The following DMD variants were observed in gnomAD, a reference collection of about 807,000 sequenced individuals.
DMD encodes mutant dystrophin.
DMD carries 63 observed loss-of-function variants against 330.1 expected under a neutral mutation model. The ratio of observed to expected loss-of-function variants is 0.19; its 90% CI spans 0.16 to 0.24. The LOEUF (loss-of-function observed/expected upper bound fraction) is 0.24, where lower values mean the gene tolerates loss of function less well. Among genes scored for constraint, DMD ranks in the 10% least tolerant of loss-of-function variants. DMD has a pLI of 1.00. For synonymous variants in DMD, 1,223 were observed against 959.8 expected (o/e 1.27, Z -5.07); for missense variants, 3,344 against 2,684.1 (o/e 1.25, Z -5.43).
intron 15 of DMD, 135 bp from the exon 16 acceptor site, chrX:32,566,016 A>T (rs766759714): frequency 1.8e-6 from 1 of 553,480 alleles, no homozygotes; most frequent in Non-Finnish European, 2.9e-6. Context: ...AAAGGATCAA[A>T]AGTTCAGAAA....
intron 60 of DMD, among the ~76,000 whole-genome samples, chrX:31,408,357 C>T (rs1334797487): frequency 3.6e-5 from 4 of 111,779 alleles, no homozygotes; most frequent in Admixed American, 9.5e-5. Flanking sequence ...CTTTCTCCTG[C>T]GAAACATATC....
intron 51 of DMD, among the ~76,000 whole-genome samples, chrX:31,766,418 C>T (rs5927847): frequency 0.13 from 14,706 of 110,632 alleles, 862 homozygotes; most frequent in East Asian, 0.25. Context: ...GCCACCACGC[C>T]CGGCTAATTT....
rs562124923 is a variant in DMD at position 31,962,669 on chromosome X, T to A, written c.6614+5670A>T. Among the ~76,000 whole-genome samples, 5 of 111,793 alleles carry A rather than the reference T, an allele frequency of 4.5e-5. No individual in the cohort carries two copies. The South Asian group carries it at 1.9e-3, about 42-fold the overall frequency. ...ATCCATATTTTTTTAAAAAATGAGGTCTCTCAATTTTTAAAAGTTGTCAAT... is the reference window on the plus strand; with the variant it reads ...ATCCATATTTTTTTAAAAAATGAGGACTCTCAATTTTTAAAAGTTGTCAAT... On this transcript the variant is annotated intron_variant, in intron 45 of 78. Coordinates refer to ENST00000357033, the MANE Select transcript of DMD (RefSeq NM_004006.3).
Position 32,387,783 on chromosome X carries a change from G to A in DMD, c.4519-1318C>T, listed in dbSNP as rs182019641. 1.6e-3 allele frequency among the ~76,000 whole-genome samples: 175 copies of A among 111,212 alleles called. 1 individual carries two copies. The highest frequency in any genetic ancestry group is 4.8e-3 in the African/African-American group (148 of 30,805). On this transcript the variant is annotated intron_variant, in intron 32 of 78. Coordinates refer to ENST00000357033, the MANE Select transcript of DMD (RefSeq NM_004006.3). ...ATTAATTATTATGTTGGAAATCAAC[G>A]ATGCTAATTTGGAATCAGAGATTTT...
At chrX:32,146,902 C>G (rs977120771) in intron 44 of DMD, among the ~76,000 whole-genome samples, 4 of 112,213 alleles carry the variant, frequency 3.6e-5, no homozygotes, top group Non-Finnish European at 5.6e-5. Flanking sequence ...AAGGCAAGAA[C>G]AATGACCACA....
chrX:31,955,572 G>A (rs967290894), intron 45 of DMD, among the ~76,000 whole-genome samples: 24 of 112,277 alleles, frequency 2.1e-4, no homozygotes, highest in African/African-American at 5.8e-4. Context: ...GATGATGGAC[G>A]TATAAAATCT....
chrX:33,230,228 T>A (rs2052365545), intron 1 of DMD, among the ~76,000 whole-genome samples: 1 of 111,947 alleles, frequency 8.9e-6, no homozygotes, highest in African/African-American at 3.2e-5. Flanking sequence ...AAATATATTT[T>A]AATTACATTA....
chrX:31,378,754 C>A (rs2060010891), intron 60 of DMD, among the ~76,000 whole-genome samples: 1 of 109,533 alleles, frequency 9.1e-6, no homozygotes, highest in African/African-American at 3.3e-5. Flanking sequence ...TCTGGGCTTG[C>A]CTCCTTCACT....
At chrX:32,057,257 G>A (rs1214891940) in intron 44 of DMD, among the ~76,000 whole-genome samples, 1 of 111,395 alleles carries the variant, frequency 9.0e-6, no homozygotes, top group East Asian at 2.8e-4. Context: ...CGTACCAGAA[G>A]TACTAGCCAG....
chrX:32,895,844 C>CGTGTGTGT (rs5902042), intron 2 of DMD, among the ~76,000 whole-genome samples: 3 of 99,811 alleles, frequency 3.0e-5, no homozygotes, highest in African/African-American at 1.1e-4. Context: ...TTGGAATGAA[C>CGTGTGTGT]GTGTGTGTGT....
At position 32,853,779 on chromosome X, in the gene DMD, A is replaced by AC. The variant is rs1271489830; in HGVS notation, c.94-3960_94-3959insG. Among the ~76,000 whole-genome samples the AC allele has an allele frequency of 2.8e-5, 3 of 107,434 alleles. No homozygotes were observed. In the East Asian group the frequency reaches 8.7e-4, roughly 31 times the overall value. 93.3% of individuals were successfully genotyped at this position (107,434 alleles called of 115,157 possible). ...CAAAACACAGTGACAGAAAAAAAAA[A>AC]AAAAAAACAAACAACAACAACAACA... is the stretch of plus-strand genomic sequence containing the variant. On this transcript the variant is annotated intron_variant, in intron 2 of 78. Coordinates refer to ENST00000357033, the MANE Select transcript of DMD (RefSeq NM_004006.3).
intron 52 of DMD, among the ~76,000 whole-genome samples, chrX:31,711,924 C>T (rs960620540): frequency 4.5e-5 from 5 of 110,811 alleles, no homozygotes; most frequent in African/African-American, 9.8e-5. Context: ...TTTTAAAGTA[C>T]GCATTTTGGG....
intron 7 of DMD, among the ~76,000 whole-genome samples, chrX:32,742,299 T>A (rs962770778): frequency 8.9e-6 from 1 of 112,220 alleles, no homozygotes; most frequent in Non-Finnish European, 1.9e-5. Context: ...ATAAAGCCAA[T>A]GTTTTTATTA....
intron 18 of DMD, among the ~76,000 whole-genome samples, chrX:32,502,229 C>A (rs953288567): frequency 2.7e-5 from 3 of 110,303 alleles, no homozygotes; most frequent in Non-Finnish European, 3.8e-5. Flanking sequence ...AGTATATAGG[C>A]GGTATTAAAA....
intron 45 of DMD, among the ~76,000 whole-genome samples, chrX:31,956,426 G>A (rs1462563678): frequency 9.0e-6 from 1 of 111,598 alleles, no homozygotes; most frequent in Non-Finnish European, 1.9e-5. Flanking sequence ...AAGAAGGGAG[G>A]GTTCAGAACA....
chrX:31,892,375 C>A (rs567327011), intron 47 of DMD, among the ~76,000 whole-genome samples: 4 of 110,602 alleles, frequency 3.6e-5, no homozygotes, highest in African/African-American at 9.9e-5. Flanking sequence ...AGCCACTAAC[C>A]ACATGTAGCT....
chrX:32,086,042 C>T (rs2096436829), intron 44 of DMD, among the ~76,000 whole-genome samples: 2 of 112,093 alleles, frequency 1.8e-5, no homozygotes, highest in Admixed American at 1.9e-4. Context: ...AAGAGAATAG[C>T]TGATACACAA....
intron 30 of DMD, among the ~76,000 whole-genome samples, chrX:32,404,176 A>C (rs2098103755): frequency 8.9e-6 from 1 of 112,016 alleles, no homozygotes. Flanking sequence ...GCAATTACGA[A>C]TTCTTCTTAA....
intron 13 of DMD, among the ~76,000 whole-genome samples, chrX:32,587,890 A>G (rs1020746122): frequency 1.8e-5 from 2 of 111,661 alleles, no homozygotes; most frequent in Non-Finnish European, 3.8e-5. Flanking sequence ...TACCCTTTAC[A>G]GATATCTGAT....
Sources: gnomAD v4.1 joint callset for allele counts (sites outside exome capture counted in the v4.1 genomes callset) on GRCh38, gnomAD v4.1.1 for gene constraint, MANE v1.5 for transcripts, NCBI Gene and HGNC (gene_info 2026-07-23, HGNC 2026-07-21) for gene names.